The following TLE3 variants were observed in gnomAD, a reference collection of about 807,000 sequenced individuals.
TLE3 encodes transducin-like enhancer protein 3.
A neutral mutation model predicts 93.0 loss-of-function variants in TLE3; 14 were observed. The ratio of observed to expected loss-of-function variants is 0.15; its 90% confidence interval spans 0.10 to 0.24. The LOEUF is 0.24. TLE3 is among the 10% of genes least tolerant of loss of function. The probability of loss-of-function intolerance (pLI) is 1.00; values close to 1 mark genes in which losing one functional copy is unlikely to be tolerated. For synonymous variants in TLE3, 451 were observed against 425.0 expected (o/e 1.06, Z -0.75); for missense variants, 693 against 1,046.6 (o/e 0.66, Z 4.66).
At position 70,096,234 on chromosome 15, in the gene TLE3, A is replaced by G. The variant is rs1032352460; in HGVS notation, c.52T>C (p.Phe18Leu). ...CAAGACTCAGCCACCGTGAATTTAA[A>G]TCCCGGCTGCCCGGGTTGATGGGGA... is the stretch of plus-strand genomic sequence containing the variant. ...PAPHQPGQPG[F>L]KFTVAESCDR... The change falls in exon 2 of 20, where the codon TTT becomes CTT. Residue 18 changes from phenylalanine (F) to leucine (L), a missense_variant. Around this residue, in one of 4 missense-constraint regions of TLE3, gnomAD observed 31 missense variants for 24.0 expected, o/e 1.29. Coordinates refer to ENST00000451782, the MANE Select transcript of TLE3 (RefSeq NM_001105192.3). 1 of 1,557,040 alleles carries G rather than the reference A, an allele frequency of 6.4e-7. No individual in the cohort carries two copies. The highest frequency in any genetic ancestry group is 8.7e-7 in the Non-Finnish European group (1 of 1,150,120).
Position 70,096,921 on chromosome 15 carries a change from GCC to G in TLE3, c.-125_-124del. The G allele has an allele frequency of 1.8e-6, 2 of 1,086,252 alleles. No homozygotes were observed. The highest frequency in any genetic ancestry group is 2.7e-6 in the Non-Finnish European group (2 of 742,928). The allele number at this position is 1,086,252 out of a possible 1,614,324, so 67.3% of individuals were successfully genotyped here. On this transcript the variant is annotated 5_prime_UTR_variant, in exon 1 of 20. Transcript: ENST00000451782. ...CCGGGAAACCGAGAGCTCGCCCCCG[GCC>G]CCCCCAGCTCGTTCTCGCAGCGAAA... is the stretch of plus-strand genomic sequence containing the variant.
At chr15:70,089,352 T>C (rs988668717) in intron 4 of TLE3, among the ~76,000 whole-genome samples, 2 of 152,236 alleles carry the variant, frequency 1.3e-5, no homozygotes, top group African/African-American at 4.8e-5. Flanking sequence ...TGGTGTCTTA[T>C]TCGGCTGTGT....
At chr15:70,093,403 C>T (rs976788720) in intron 4 of TLE3, among the ~76,000 whole-genome samples, 1 of 152,204 alleles carries the variant, frequency 6.6e-6, no homozygotes, top group Non-Finnish European at 1.5e-5. Flanking sequence ...GCCCTTCTCA[C>T]CTGCCCTGGG....
chr15:70,065,512 T>C (rs2056759326), intron 7 of TLE3, among the ~76,000 whole-genome samples: 1 of 152,206 alleles, frequency 6.6e-6, no homozygotes, highest in Admixed American at 6.5e-5. Flanking sequence ...TCTGCATTGG[T>C]GAGACATAGA....
chr15:70,090,657 G>C (rs1181767607), intron 4 of TLE3, among the ~76,000 whole-genome samples: 1 of 152,156 alleles, frequency 6.6e-6, no homozygotes, highest in African/African-American at 2.4e-5. Context: ...TCCTACCTCA[G>C]CCCTGTGTTT....
chr15:70,076,017 G>T, intron 5 of TLE3, 79 bp downstream of exon 5: 2 of 1,357,048 alleles, frequency 1.5e-6, no homozygotes, highest in Non-Finnish European at 2.1e-6. Flanking sequence ...TGGGGCTGGG[G>T]CTCAGGCTCC....
chr15:70,078,204 A>AT (rs201089663), intron 4 of TLE3, among the ~76,000 whole-genome samples: 7 of 152,124 alleles, frequency 4.6e-5, no homozygotes, highest in African/African-American at 1.7e-4. Flanking sequence ...CACTCTGCTT[A>AT]TTTTTTCCTC....
intron 4 of TLE3, among the ~76,000 whole-genome samples, chr15:70,084,232 AG>A (rs1231403496): frequency 9.8e-5 from 15 of 152,360 alleles, no homozygotes; most frequent in African/African-American, 3.6e-4. Context: ...CTCTATAACA[AG>A]GCCTCTCAAC....
chr15:70,072,496 GCTACCACTAGCAGAACCA>G (rs1219223812), intron 6 of TLE3, among the ~76,000 whole-genome samples: 1 of 152,154 alleles, frequency 6.6e-6, no homozygotes, highest in Non-Finnish European at 1.5e-5. Context: ...GCAGCCCCCT[GCTACCACTAGCAGAACCA>G]CCACCAAGCT....
intron 4 of TLE3, among the ~76,000 whole-genome samples, chr15:70,086,927 G>A (rs1008671301): frequency 4.6e-5 from 7 of 152,124 alleles, no homozygotes; most frequent in African/African-American, 9.7e-5. Context: ...AGAAAAAGAT[G>A]CCTAAGATAC....
intron 8 of TLE3, among the ~76,000 whole-genome samples, chr15:70,062,283 C>T (rs896711193): frequency 3.3e-5 from 5 of 152,190 alleles, no homozygotes; most frequent in Non-Finnish European, 5.9e-5. Context: ...GAAAAATCAC[C>T]GTCATTTCAT....
rs1399818805 is a variant in TLE3 at position 70,058,109 on chromosome 15, C to T, written c.1051+50G>A. 1.9e-6 allele frequency: 3 copies of T among 1,612,776 alleles called. No homozygotes were observed. The highest frequency in any genetic ancestry group is 1.6e-4 in the Middle Eastern group (1 of 6,072). On this transcript the variant is annotated intron_variant, in intron 12 of 19. Transcript: ENST00000451782. This position sits in a 1 kb window ranked among gnomAD's most constrained non-coding sequence, Gnocchi z 4.1. ...ACCCCTGCCCTGGCCAAGAGCAGAC[C>T]CCCTCCCCCCAATCAGATTAACCCA...
intron 4 of TLE3, among the ~76,000 whole-genome samples, chr15:70,085,821 A>G (rs1322521614): frequency 6.6e-6 from 1 of 152,270 alleles, no homozygotes; most frequent in Non-Finnish European, 1.5e-5. Flanking sequence ...ATGAAAACCC[A>G]GCGATTGAGG....
At position 70,058,128 on chromosome 15, in the gene TLE3, T is replaced by A. The variant is rs1643225469; in HGVS notation, c.1051+31A>T. ...GCAGACCCCCTCCCCCCAATCAGAT[T>A]AACCCAGCCCATGGTGCCTACCCAT... On this transcript the variant is annotated intron_variant, in intron 12 of 19. Transcript: ENST00000451782. This position sits in a 1 kb window ranked among gnomAD's most constrained non-coding sequence, Gnocchi z 4.1. The A allele has an allele frequency of 1.9e-6, 3 of 1,613,540 alleles. No homozygotes were observed. Among genetic ancestry groups the A allele is most frequent in the African/African-American group, 2.7e-5 (2 of 74,866 alleles).
At position 70,096,275 on chromosome 15, in the gene TLE3, A is replaced by G. The variant is rs1165880613; in HGVS notation, c.25-14T>C. Reference sequence around the variant, plus strand: ...TTGATGGGGAGCCTGGAGCCCGCGAAGACAAGACAGGGGAGGGGGCGGGGG... The same window carrying G: ...TTGATGGGGAGCCTGGAGCCCGCGAGGACAAGACAGGGGAGGGGGCGGGGG... On this transcript the variant is annotated splice_polypyrimidine_tract_variant and intron_variant, in intron 1 of 19. Transcript: ENST00000451782. The G allele has an allele frequency of 6.4e-6, 10 of 1,550,856 alleles. No homozygotes were observed. The highest frequency in any genetic ancestry group is 1.4e-5 in the African/African-American group (1 of 73,052).
chr15:70,078,430 T>C (rs895646063), intron 4 of TLE3, among the ~76,000 whole-genome samples: 1 of 152,238 alleles, frequency 6.6e-6, no homozygotes, highest in African/African-American at 2.4e-5. Context: ...ACCTTACTGT[T>C]TAGGAAGCTC....
chr15:70,095,566 G>A lies in TLE3; in HGVS notation c.189+12C>T. On this transcript the variant is annotated intron_variant, in intron 3 of 19. Transcript: ENST00000451782. ...GCCCCAACCGCCCCCCAGGCCCGCG[G>A]CCGCATCTCACCATCACATAATGGC... 3.9e-6 allele frequency: 6 copies of A among 1,550,342 alleles called. No homozygotes were observed. Among genetic ancestry groups the A allele is most frequent in the Non-Finnish European group, 5.2e-6 (6 of 1,146,278 alleles).
chr15:70,097,631 C>T lies in TLE3; in HGVS notation c.-833G>A. 4 of 398,342 alleles carry T rather than the reference C, an allele frequency of 1.0e-5. No homozygotes were observed. Among genetic ancestry groups the T allele is most frequent in the Non-Finnish European group, 1.8e-5 (4 of 225,786 alleles). The allele number at this position is 398,342 out of a possible 1,614,324, so 24.7% of individuals were successfully genotyped here. The stretch of plus-strand genomic sequence containing the variant: ...GTCCCCACCGAGGAGCGCTCAGCGC[C>T]ACCGCCGCTGCCGCGTCGGAGCGCA... On this transcript the variant is annotated 5_prime_UTR_variant, in exon 1 of 20. Transcript: ENST00000451782.
chr15:70,096,564 C>G lies in TLE3; in HGVS notation c.24+211G>C, dbSNP rs550218745. ...GCCGGGGACCGCGTGAACAGCTCCCCCTGGAACACAAGCAGCCCCCCGCGC... is the reference window on the plus strand; with the variant it reads ...GCCGGGGACCGCGTGAACAGCTCCCGCTGGAACACAAGCAGCCCCCCGCGC... On this transcript the variant is annotated intron_variant, in intron 1 of 19. Transcript: ENST00000451782. 1.3e-4 allele frequency: 192 copies of G among 1,480,580 alleles called. 1 individual carries two copies. In the Admixed American group the frequency reaches 3.7e-3, roughly 29 times the overall value. 91.7% of individuals were successfully genotyped at this position (1,480,580 alleles called of 1,614,324 possible).
Sources: allele counts gnomAD v4.1 joint callset (sites outside exome capture counted in the v4.1 genomes callset), GRCh38; gene constraint gnomAD v4.1.1; regional missense constraint gnomAD v4.1.1; non-coding constraint Gnocchi (gnomAD v3.1); transcripts MANE v1.5; gene names NCBI Gene and HGNC (gene_info 2026-07-23, HGNC 2026-07-21).